FBLN1: variants seen among roughly 807,000 people sequenced by gnomAD.
FBLN1 encodes fibulin 1.
FBLN1 carries 34 observed loss-of-function variants against 89.7 expected under a neutral mutation model. The ratio of observed to expected loss-of-function variants is 0.38; its 90% CI spans 0.29 to 0.50. The LOEUF (loss-of-function observed/expected upper bound fraction) is 0.50, where lower values mean the gene tolerates loss of function less well. FBLN1 is among the 20% of genes least tolerant of loss of function. FBLN1 has a pLI of 0.92. For synonymous variants in FBLN1, 393 were observed against 391.3 expected (o/e 1.00, Z -0.05); for missense variants, 777 against 988.1 (o/e 0.79, Z 2.86).
chr22:45,599,632 G>T (rs551541339), intron 16 of FBLN1, among the ~76,000 whole-genome samples: 1 of 152,266 alleles, frequency 6.6e-6, no homozygotes, highest in Admixed American at 6.5e-5. Flanking sequence ...AAACCTTTCA[G>T]GTAGGCCAGT....
intron 7 of FBLN1, among the ~76,000 whole-genome samples, chr22:45,534,491 C>T (rs2146970736): frequency 6.6e-6 from 1 of 152,318 alleles, no homozygotes; most frequent in South Asian, 2.1e-4. Context: ...TGGGGAGGCT[C>T]TGATGAGGAT....
rs988987619 is a variant in FBLN1 at position 45,532,998 on chromosome 22, C to T, written c.545-65C>T. ...GGCGTTTTCTATGACCCAGCCTGAA[C>T]GGAGCTAGAAACCAGGCGGTGCCTG... is the stretch of plus-strand genomic sequence containing the variant. On this transcript the variant is annotated intron_variant, in intron 5 of 16. Transcript: ENST00000327858. This position sits in a 1 kb window ranked among gnomAD's most constrained non-coding sequence, Gnocchi z 4.2. 1.2e-5 allele frequency: 18 copies of T among 1,474,006 alleles called. No homozygotes were observed. The highest frequency in any genetic ancestry group is 1.2e-4 in the Admixed American group (7 of 59,422). 91.3% of individuals were successfully genotyped at this position (1,474,006 alleles called of 1,614,324 possible).
chr22:45,560,722 TAAATTAGA>T (rs1328020727), intron 14 of FBLN1, among the ~76,000 whole-genome samples: 1 of 152,192 alleles, frequency 6.6e-6, no homozygotes, highest in Non-Finnish European at 1.5e-5. Context: ...TTAGTTTCTA[TAAATTAGA>T]AAACTCAAGC....
At position 45,555,073 on chromosome 22, in the gene FBLN1, AGGACCCG is replaced by A. The variant is rs2088765002; in HGVS notation, c.1697+4459_1697+4465del. On this transcript the variant is annotated intron_variant, in intron 14 of 16. Transcript: ENST00000327858. ...GTCCCCGTCTCCACCGCAGGAGGTT[AGGACCCG>A]TCCCCGTCTCCACCGCAGGAGGTTG... Among the ~76,000 whole-genome samples the A allele has an allele frequency of 3.7e-5, 5 of 136,680 alleles. No homozygotes were observed. The South Asian group carries it at 7.1e-4, about 19-fold the overall frequency. 89.7% of individuals were successfully genotyped at this position (136,680 alleles called of 152,430 possible).
chr22:45,531,325 G>A lies in FBLN1; in HGVS notation c.544+1G>A. The A allele has an allele frequency of 1.9e-6, 3 of 1,613,610 alleles. No homozygotes were observed. Among genetic ancestry groups the A allele is most frequent in the Non-Finnish European group, 2.5e-6 (3 of 1,179,556 alleles). ...CCATATCTGAATGACCGCTGCCGAG[G>A]TGAGACTCGGGCGTCTCCCATCAGT... On this transcript the variant is annotated splice_donor_variant, in intron 5 of 16. Transcript: ENST00000327858. LOFTEE classifies it high-confidence loss of function. This position sits in a 1 kb window ranked among gnomAD's most constrained non-coding sequence, Gnocchi z 4.9.
intron 3 of FBLN1, 40 bp downstream of exon 3, chr22:45,525,718 A>G: frequency 6.4e-7 from 1 of 1,550,838 alleles, no homozygotes; most frequent in Non-Finnish European, 8.7e-7. Context: ...GCCCGTCCCC[A>G]CTAGTCGGCA....
intron 14 of FBLN1, chr22:45,564,829 G>A: frequency 6.2e-7 from 1 of 1,608,388 alleles, no homozygotes. Flanking sequence ...TGCCAGCCCT[G>A]GCTTATGTCA....
At chr22:45,582,342 A>C (rs959466117) in intron 16 of FBLN1, among the ~76,000 whole-genome samples, 4 of 152,172 alleles carry the variant, frequency 2.6e-5, no homozygotes, top group African/African-American at 9.7e-5. Flanking sequence ...CGGCCATGGG[A>C]TCTTGGGTCC....
rs770340922 is a variant in FBLN1 at position 45,574,671 on chromosome 22, G to A, written c.1840+18G>A. On this transcript the variant is annotated intron_variant, in intron 15 of 16. Transcript: ENST00000327858. The surrounding 1 kb of genome is among the most constrained non-coding windows in gnomAD (Gnocchi z 4.1). ...CCCTGAAGGTGAGTGGGATGGGTGT[G>A]GGGGTCCCAGGGCCCCCTAGGGCCT... is the stretch of plus-strand genomic sequence containing the variant. The A allele has an allele frequency of 1.5e-5, 24 of 1,610,504 alleles. No individual in the cohort carries two copies. In the East Asian group the frequency reaches 4.7e-4, roughly 31 times the overall value.
In FBLN1 at chr22:45,563,463, C is replaced by A; in HGVS notation, c.1698-11048C>A. On this transcript the variant is annotated intron_variant, in intron 14 of 16. Transcript: ENST00000327858. The surrounding 1 kb of genome is among the most constrained non-coding windows in gnomAD (Gnocchi z 5.7). ...GGCCACCGCCTGGTACCCCCGAGGG[C>A]TGACTGAGGAGCGCTCCCCACTAGA... is the stretch of plus-strand genomic sequence containing the variant. 8.4e-7 allele frequency: 1 copy of A among 1,188,432 alleles called. No homozygotes were observed. Among genetic ancestry groups the A allele is most frequent in the Non-Finnish European group, 1.2e-6 (1 of 865,312 alleles). 73.6% of individuals were successfully genotyped at this position (1,188,432 alleles called of 1,614,324 possible).
At chr22:45,528,739 G>A (rs75600087) in intron 4 of FBLN1, among the ~76,000 whole-genome samples, 3,682 of 151,980 alleles carry the variant, frequency 0.024, 153 homozygotes, top group African/African-American at 0.085. Flanking sequence ...TGACACTTAC[G>A]ATGAACCATT....
chr22:45,510,139 CAG>C (rs1449666635), intron 1 of FBLN1, among the ~76,000 whole-genome samples: 2 of 152,140 alleles, frequency 1.3e-5, no homozygotes, highest in Non-Finnish European at 2.9e-5. Flanking sequence ...AAATAAAAAA[CAG>C]ACACCCATTC....
Position 45,502,897 on chromosome 22 carries a change from C to T in FBLN1, c.-89C>T. 6.5e-6 allele frequency: 3 copies of T among 462,392 alleles called. No individual in the cohort carries two copies. Among genetic ancestry groups the T allele is most frequent in the Non-Finnish European group, 8.7e-6 (3 of 345,758 alleles). The allele number at this position is 462,392 out of a possible 1,614,324, so 28.6% of individuals were successfully genotyped here. A position where few individuals can be genotyped will look rare whatever the true frequency, so the allele number is the denominator to read the frequency against. Reference sequence around the variant, plus strand: ...CCTGGCCCAGCGTTGGCTGCCGAGGCTCGGCCGGAGCGTGGAGCCCGCGCC... The same window carrying T: ...CCTGGCCCAGCGTTGGCTGCCGAGGTTCGGCCGGAGCGTGGAGCCCGCGCC... On this transcript the variant is annotated 5_prime_UTR_variant, in exon 1 of 17. Coordinates refer to ENST00000327858, the MANE Select transcript of FBLN1 (RefSeq NM_006486.3).
rs566287279 is a variant in FBLN1, at chr22:45,572,313, G to C, written c.1698-2198G>C. Among the ~76,000 whole-genome samples the C allele has an allele frequency of 3.9e-5, 6 of 152,258 alleles. No individual in the cohort carries two copies. In the South Asian group the frequency reaches 1.2e-3, roughly 32 times the overall value. On this transcript the variant is annotated intron_variant, in intron 14 of 16. Transcript: ENST00000327858. This position sits in a 1 kb window ranked among gnomAD's most constrained non-coding sequence, Gnocchi z 5.8. ...CAAGGGCTGGGCCAAAAGGACCCAG[G>C]AGCCAACTTCATTTTCCCTCTGGCA...
chr22:45,524,532 C>T (rs1054547666), intron 2 of FBLN1, among the ~76,000 whole-genome samples: 1 of 152,292 alleles, frequency 6.6e-6, no homozygotes, highest in Admixed American at 6.5e-5. Context: ...GGGCCTTGGG[C>T]AGGCTACCCA....
rs1404459195 is a variant in FBLN1, at chr22:45,562,848, C to T, written c.1698-11663C>T. 58 of 1,525,102 alleles carry T rather than the reference C, an allele frequency of 3.8e-5. No individual in the cohort carries two copies. The highest frequency in any genetic ancestry group is 2.7e-4 in the South Asian group (24 of 89,444). The allele number at this position is 1,525,102 out of a possible 1,614,324, so 94.5% of individuals were successfully genotyped here. A position where few individuals can be genotyped will look rare whatever the true frequency, so the allele number is the denominator to read the frequency against. On this transcript the variant is annotated intron_variant, in intron 14 of 16. Transcript: ENST00000327858. The surrounding 1 kb of genome is among the most constrained non-coding windows in gnomAD (Gnocchi z 7.8). ...CCAGCCCCGCATCCCCGCGCTCTGCCGTTTCTCCGCTTGCTGGACCGGCCC... is the reference window on the plus strand; with the variant it reads ...CCAGCCCCGCATCCCCGCGCTCTGCTGTTTCTCCGCTTGCTGGACCGGCCC...
At chr22:45,570,319 C>CAAAAAAAAAAAAAAAAAAAAAAAAAAA (rs761469854) in intron 14 of FBLN1, among the ~76,000 whole-genome samples, 6 of 36,430 alleles carry the variant, frequency 1.6e-4, no homozygotes, top group African/African-American at 3.8e-4. Context: ...GACTCTGTCT[C>CAAAAAAAAAAAAAAAAAAAAAAAAAAA]AAAAAAAAAA....
rs1254201007 is a variant in FBLN1 at position 45,557,962 on chromosome 22, A to G, written c.1697+7347A>G. ...TTCCCTTTGCCACTGTCCTTCAGGG[A>G]TGTCCTAGAAAGGGGCAGTAGTGCT... On this transcript the variant is annotated intron_variant, in intron 14 of 16. Transcript: ENST00000327858. The surrounding 1 kb of genome is among the most constrained non-coding windows in gnomAD (Gnocchi z 4.9). 2.9e-6 allele frequency: 2 copies of G among 687,938 alleles called. No individual in the cohort carries two copies. Among genetic ancestry groups the G allele is most frequent in the African/African-American group, 3.5e-5 (2 of 56,398 alleles). 42.6% of individuals were successfully genotyped at this position (687,938 alleles called of 1,614,324 possible).
chr22:45,533,713 A>ATGGGTC, intron 6 of FBLN1, 48 bp from the exon 7 acceptor site: 1 of 1,593,738 alleles, frequency 6.3e-7, no homozygotes. Context: ...ATGTATTAGG[A>ATGGGTC]TGGGTCGTTC....
Sources: gnomAD v4.1 joint callset for allele counts (sites outside exome capture counted in the v4.1 genomes callset) on GRCh38, gnomAD v4.1.1 for gene constraint, Gnocchi (gnomAD v3.1) non-coding constraint, MANE v1.5 for transcripts, NCBI Gene and HGNC (gene_info 2026-07-23, HGNC 2026-07-21) for gene names.